MYO18B: variants seen among roughly 807,000 people sequenced by gnomAD.
MYO18B encodes myosin XVIIIB.
MYO18B carries 204 observed loss-of-function variants against 273.0 expected under a neutral mutation model. The observed-to-expected ratio is 0.75, with a 90% confidence interval of 0.67 to 0.84. MYO18B has a LOEUF of 0.84. MYO18B is among the 40% of genes least tolerant of loss of function. MYO18B has a pLI of 0.00. For missense variants in MYO18B, 3,212 were observed against 3,287.6 expected (o/e 0.98, Z 0.56); for synonymous variants, 1,330 against 1,305.7 (o/e 1.02, Z -0.40).
intron 34 of MYO18B, among the ~76,000 whole-genome samples, chr22:25,933,749 T>A (rs571200977): frequency 8.5e-4 from 129 of 152,352 alleles, no homozygotes; most frequent in African/African-American, 3.0e-3. Flanking sequence ...TATGTGGGTT[T>A]TGTCTAGGTT....
intron 42 of MYO18B, among the ~76,000 whole-genome samples, chr22:26,019,085 T>C (rs574271249): frequency 2.6e-5 from 4 of 152,292 alleles, no homozygotes; most frequent in African/African-American, 9.6e-5. Context: ...CTGACCCTTC[T>C]CCATGGTTTT....
chr22:26,010,229 A>G (rs760480530), intron 42 of MYO18B, among the ~76,000 whole-genome samples: 1 of 152,178 alleles, frequency 6.6e-6, no homozygotes, highest in Non-Finnish European at 1.5e-5. Flanking sequence ...TTGTGCTCCT[A>G]GACTCTGGCA....
intron 1 of MYO18B, among the ~76,000 whole-genome samples, chr22:25,753,537 G>A (rs1352529068): frequency 6.6e-6 from 1 of 152,182 alleles, no homozygotes; most frequent in East Asian, 1.9e-4. Flanking sequence ...CTCCTTCCGC[G>A]TTGTGGGGTG....
rs1601778549 is a variant in MYO18B at position 25,992,468 on chromosome 22, G to T, written c.6262G>T (p.Ala2088Ser). 6.2e-7 allele frequency: 1 copy of T among 1,613,980 alleles called. No homozygotes were observed. The highest frequency in any genetic ancestry group is 8.5e-7 in the Non-Finnish European group (1 of 1,179,888). ...CCTGCAGGCTGCCTTGGAAGAAGTG[G>T]CATCCAGTGACAGTGATACTGAGAG... ...ADLQAALEEV[A>S]SSDSDTESVQ... Residue 2088 changes from alanine (A) to serine (S), a missense_variant, in exon 40 of 44, where the codon GCA becomes TCA. By Grantham distance (99) the Ala-to-Ser change is moderately conservative. Coordinates refer to ENST00000335473, the MANE Select transcript of MYO18B (RefSeq NM_032608.7).
intron 12 of MYO18B, among the ~76,000 whole-genome samples, chr22:25,806,249 G>C (rs1254907347): frequency 6.6e-6 from 1 of 152,202 alleles, no homozygotes; most frequent in East Asian, 1.9e-4. Context: ...GACCATGCAG[G>C]AGGACAGACA....
At chr22:25,906,051 T>C (rs968140793) in intron 31 of MYO18B, among the ~76,000 whole-genome samples, 4 of 152,338 alleles carry the variant, frequency 2.6e-5, no homozygotes, top group South Asian at 2.1e-4. Context: ...CAAAACTTAA[T>C]GCAGCTGCCT....
chr22:25,747,405 A>G (rs950060954), intron 1 of MYO18B, among the ~76,000 whole-genome samples: 2 of 152,192 alleles, frequency 1.3e-5, no homozygotes, highest in Non-Finnish European at 2.9e-5. Flanking sequence ...GCAGCCCCCA[A>G]CTACAGATCA....
chr22:25,932,418 TTTTC>T (rs1208439091), intron 34 of MYO18B, among the ~76,000 whole-genome samples: 5 of 143,448 alleles, frequency 3.5e-5, no homozygotes, highest in African/African-American at 5.2e-5. Context: ...TTTCTTTTTT[TTTTC>T]TTTGAGACAC....
chr22:25,785,481 T>A lies in MYO18B; in HGVS notation c.2366T>A (p.Val789Glu). The A allele has an allele frequency of 6.2e-7, 1 of 1,612,218 alleles. No homozygotes were observed. Residue 789 changes from valine to glutamate, a missense_variant, in exon 11 of 44, where the codon GTG (valine) becomes GAG (glutamate). Coordinates refer to ENST00000335473, the MANE Select transcript of MYO18B (RefSeq NM_032608.7). ...GATAGCAGCTCCTTTGGCATGGGCG[T>A]GTGGTCCAAGGTAAGGAGGAGGTCC... ...MADSSSFGMG[V>E]WSKPEDKQKA... is the part of the protein sequence containing the mutation.
intron 14 of MYO18B, among the ~76,000 whole-genome samples, chr22:25,828,138 A>G (rs2089561721): frequency 6.6e-6 from 1 of 152,154 alleles, no homozygotes; most frequent in Non-Finnish European, 1.5e-5. Flanking sequence ...AGCTTATCAC[A>G]CCCAACCCTC....
chr22:25,911,866 C>T (rs951102732), intron 33 of MYO18B, among the ~76,000 whole-genome samples: 5 of 152,208 alleles, frequency 3.3e-5, no homozygotes, highest in African/African-American at 9.6e-5. Flanking sequence ...ACTCTTCCAC[C>T]TCCTAGATAC....
chr22:25,961,162 C>T (rs374923711), intron 39 of MYO18B, among the ~76,000 whole-genome samples: 1 of 150,290 alleles, frequency 6.7e-6, no homozygotes, highest in Non-Finnish European at 1.5e-5. Context: ...TTCAAGATTA[C>T]GGTGAACTAT....
intron 39 of MYO18B, among the ~76,000 whole-genome samples, chr22:25,956,056 G>T (rs1316857113): frequency 1.3e-5 from 2 of 152,172 alleles, no homozygotes; most frequent in African/African-American, 4.8e-5. Flanking sequence ...AAACTGACAC[G>T]TGGAGATATC....
At chr22:25,834,657 A>G (rs2089833379) in intron 16 of MYO18B, among the ~76,000 whole-genome samples, 1 of 152,168 alleles carries the variant, frequency 6.6e-6, no homozygotes, top group African/African-American at 2.4e-5. Flanking sequence ...ATGGGCCCTC[A>G]GAGAGGCCCT....
chr22:26,021,422 A>T (rs1000608554), intron 42 of MYO18B, among the ~76,000 whole-genome samples: 6 of 152,340 alleles, frequency 3.9e-5, no homozygotes, highest in African/African-American at 7.2e-5. Flanking sequence ...TATGTGCCTG[A>T]GGACTGGCAA....
At chr22:25,760,909 G>A in intron 1 of MYO18B, 75 bp from the exon 2 acceptor site, 2 of 653,912 alleles carry the variant, frequency 3.1e-6, no homozygotes, top group Non-Finnish European at 5.4e-6. Context: ...TGGCGTTGGT[G>A]GGGGTGGGAG....
At chr22:25,833,399 G>T (rs992540914) in intron 16 of MYO18B, among the ~76,000 whole-genome samples, 1 of 152,136 alleles carries the variant, frequency 6.6e-6, no homozygotes, top group Non-Finnish European at 1.5e-5. Context: ...GGGACCTTGG[G>T]CACTGGAGAA....
intron 28 of MYO18B, 49 bp from the exon 29 acceptor site, chr22:25,898,258 C>G (rs2091853771): frequency 6.4e-7 from 1 of 1,573,708 alleles, no homozygotes; most frequent in Non-Finnish European, 8.6e-7. Flanking sequence ...AAGTAAAAAG[C>G]TCGTTCCATG....
intron 40 of MYO18B, among the ~76,000 whole-genome samples, chr22:25,999,409 C>G (rs1933675930): frequency 6.6e-6 from 1 of 152,260 alleles, no homozygotes; most frequent in Middle Eastern, 3.4e-3. Context: ...AATTGTCTGG[C>G]AAAGACTGAC....
Sources: allele counts gnomAD v4.1 joint callset (sites outside exome capture counted in the v4.1 genomes callset), GRCh38; gene constraint gnomAD v4.1.1; transcripts MANE v1.5; gene names NCBI Gene and HGNC (gene_info 2026-07-23, HGNC 2026-07-21).